The following RSPH14 variants were observed in gnomAD, a reference collection of about 807,000 sequenced individuals.
RSPH14 encodes radial spoke head 14 homolog.
Under a neutral mutation model 26.7 loss-of-function variants are expected in RSPH14, and 20 were observed. The observed-to-expected ratio is 0.75, with a 90% CI of 0.53 to 1.09. The LOEUF (loss-of-function observed/expected upper bound fraction) is 1.09, where lower values mean the gene tolerates loss of function less well. Among genes scored for constraint, RSPH14 ranks in the 50% least tolerant of loss-of-function variants. The pLI is 0.00. For missense variants in RSPH14, 449 were observed against 457.2 expected, an observed-to-expected ratio of 0.98 and a Z score of 0.16; for synonymous variants, 177 against 189.3, an observed-to-expected ratio of 0.93 and a Z score of 0.53.
chr22:23,157,935 C>G, the RSPH14 span: 1 of 1,609,384 alleles, frequency 6.2e-7, no homozygotes, highest in Non-Finnish European at 8.5e-7. Flanking sequence ...TCCTGGGGAG[C>G]CCCCTTGCTC....
At position 23,117,036 on chromosome 22, in the gene RSPH14, C is replaced by A. The variant is rs931626143; in HGVS notation, c.421+16990G>T. Among the ~76,000 whole-genome samples the A allele has an allele frequency of 2.0e-5, 3 of 152,230 alleles. No homozygotes were observed. The South Asian group carries it at 6.2e-4, about 32-fold the overall frequency. ...GCTGGGGGATCTGTGCGCCTCAGCTCCAAAGTACAGGAGCTAGACTCCAGT... is the reference window on the plus strand; with the variant it reads ...GCTGGGGGATCTGTGCGCCTCAGCTACAAAGTACAGGAGCTAGACTCCAGT... On this transcript the variant is annotated intron_variant, in intron 4 of 6. Coordinates refer to ENST00000216036, the MANE Select transcript of RSPH14 (RefSeq NM_014433.3).
chr22:23,141,369 GACAC>G (rs373529565), intron 1 of RSPH14, among the ~76,000 whole-genome samples: 1 of 148,632 alleles, frequency 6.7e-6, no homozygotes, highest in Non-Finnish European at 1.5e-5. Flanking sequence ...TTTTATTGCC[GACAC>G]ACACACACAC....
At chr22:23,070,413 C>G (rs1224290260) in intron 4 of RSPH14, 2 of 146,540 alleles carry the variant, frequency 1.4e-5, no homozygotes, top group African/African-American at 4.9e-5. Context: ...CCAGGCCGGC[C>G]GGAGCGTGTG....
chr22:23,149,526 T>G (rs1157579065), upstream of RSPH14, among the ~76,000 whole-genome samples: 1 of 152,158 alleles, frequency 6.6e-6, no homozygotes, highest in Non-Finnish European at 1.5e-5. Context: ...AAACAAAATG[T>G]CATCAGAGAT....
chr22:23,096,750 T>C lies in RSPH14; in HGVS notation c.422-32617A>G, dbSNP rs182679039. Among the ~76,000 whole-genome samples, 9 of 152,318 alleles carry C rather than the reference T, an allele frequency of 5.9e-5. No homozygotes were observed. The East Asian group carries it at 1.7e-3, about 29-fold the overall frequency. ...TGCCAGCACCAGTCTCCTACCAGCA[T>C]ATAGGTCCAGGAACAGCAGCCACCC... On this transcript the variant is annotated intron_variant, in intron 4 of 6. Coordinates refer to ENST00000216036, the MANE Select transcript of RSPH14 (RefSeq NM_014433.3).
At chr22:23,146,868 G>A (rs2070807602), upstream of RSPH14, among the ~76,000 whole-genome samples, 2 of 152,224 alleles carry the variant, frequency 1.3e-5, no homozygotes, top group African/African-American at 2.4e-5. Context: ...AGTTAATGGT[G>A]ACACTGGGCA....
the RSPH14 span, chr22:23,159,226 G>A: frequency 1.2e-5 from 20 of 1,602,956 alleles, no homozygotes; most frequent in African/African-American, 9.4e-5. Flanking sequence ...GATGCAGGCC[G>A]AGTACTGGTC....
At chr22:23,109,533 G>A (rs2069583993) in intron 4 of RSPH14, among the ~76,000 whole-genome samples, 1 of 152,134 alleles carries the variant, frequency 6.6e-6, no homozygotes, top group African/African-American at 2.4e-5. Context: ...GGGTACCCAG[G>A]GCCTACACTT....
the RSPH14 span, among the ~76,000 whole-genome samples, chr22:23,173,463 CAG>C: frequency 4.0e-5 from 6 of 151,836 alleles, no homozygotes; most frequent in Non-Finnish European, 7.4e-5. Flanking sequence ...TAATTTGAGA[CAG>C]GGTCTCACTC....
chr22:23,089,656 G>A (rs1273673552), intron 4 of RSPH14, among the ~76,000 whole-genome samples: 1 of 152,204 alleles, frequency 6.6e-6, no homozygotes, highest in Non-Finnish European at 1.5e-5. Context: ...GGAGGGTGAT[G>A]AGGGCAGGCC....
intron 4 of RSPH14, among the ~76,000 whole-genome samples, chr22:23,086,525 A>C (rs1255719248): frequency 6.6e-6 from 1 of 152,104 alleles, no homozygotes; most frequent in African/African-American, 2.4e-5. Context: ...GGCCTCAGCC[A>C]CCCGAGCAGG....
intron 4 of RSPH14, among the ~76,000 whole-genome samples, chr22:23,064,730 C>A (rs1298407060): frequency 1.3e-5 from 2 of 152,170 alleles, no homozygotes; most frequent in Non-Finnish European, 2.9e-5. Context: ...AGGCTCTCGT[C>A]TTCAAGGGAC....
chr22:23,146,382 G>GTTT (rs900607989), upstream of RSPH14, among the ~76,000 whole-genome samples: 1 of 151,064 alleles, frequency 6.6e-6, no homozygotes, highest in Non-Finnish European at 1.5e-5. Context: ...AATTTTTTTG[G>GTTT]TTTTTTTTTG....
chr22:23,096,301 G>T (rs201266285), intron 4 of RSPH14: 23 of 1,613,738 alleles, frequency 1.4e-5, no homozygotes, highest in Middle Eastern at 1.6e-4. Flanking sequence ...TGGTGGACGT[G>T]GGGGGGCAGA....
the RSPH14 span, among the ~76,000 whole-genome samples, chr22:23,175,703 T>A: frequency 3.3e-5 from 5 of 152,238 alleles, no homozygotes; most frequent in African/African-American, 1.2e-4. Flanking sequence ...GAGCCCTTGG[T>A]GAAGCCCCCT....
intron 4 of RSPH14, among the ~76,000 whole-genome samples, chr22:23,127,197 G>A (rs1448153022): frequency 6.6e-6 from 1 of 152,216 alleles, no homozygotes; most frequent in African/African-American, 2.4e-5. Context: ...GTGCCAGGAA[G>A]GGCTGCACTG....
At chr22:23,174,656 T>C in the RSPH14 span, among the ~76,000 whole-genome samples, 7 of 147,786 alleles carry the variant, frequency 4.7e-5, no homozygotes, top group East Asian at 1.5e-3. Context: ...ACACTTCAAT[T>C]ATACTTCAAT....
At chr22:23,155,538 C>T in the RSPH14 span, among the ~76,000 whole-genome samples, 1 of 152,200 alleles carries the variant, frequency 6.6e-6, no homozygotes, top group Non-Finnish European at 1.5e-5. Flanking sequence ...CCAGTCACAC[C>T]CATCACCCAA....
intron 4 of RSPH14, among the ~76,000 whole-genome samples, chr22:23,127,412 G>T (rs1207119762): frequency 6.6e-6 from 1 of 152,228 alleles, no homozygotes; most frequent in African/African-American, 2.4e-5. Flanking sequence ...GATGTGCCTG[G>T]GGTTCTGGTG....
Sources: allele counts gnomAD v4.1 joint callset (sites outside exome capture counted in the v4.1 genomes callset), GRCh38; gene constraint gnomAD v4.1.1; transcripts MANE v1.5; gene names NCBI Gene and HGNC (gene_info 2026-07-23, HGNC 2026-07-21).